Variants in NKAIN3 observed in about 807,000 individuals in gnomAD.
The protein encoded by NKAIN3 is sodium/potassium transporting ATPase interacting 3.
NKAIN3 carries 25 observed loss-of-function variants against 30.2 expected under a neutral mutation model. The observed-to-expected ratio is 0.83, with a 90% CI of 0.60 to 1.16. NKAIN3 has a LOEUF of 1.16. Among genes scored for constraint, NKAIN3 ranks in the 50% most tolerant of loss-of-function variants. The pLI is 0.00. For missense variants in NKAIN3, 225 were observed against 254.1 expected, an observed-to-expected ratio of 0.89 and a Z score of 0.78; for synonymous variants, 91 against 89.6, an observed-to-expected ratio of 1.02 and a Z score of -0.09.
At chr8:62,735,316 G>C (rs1016707709) in intron 3 of NKAIN3, among the ~76,000 whole-genome samples, 1 of 149,720 alleles carries the variant, frequency 6.7e-6, no homozygotes, top group Non-Finnish European at 1.5e-5. Flanking sequence ...TCTTTTCTTT[G>C]TCTTCGCTGG....
intron 4 of NKAIN3, among the ~76,000 whole-genome samples, chr8:62,804,412 G>T (rs1244750487): frequency 3.9e-5 from 6 of 152,110 alleles, no homozygotes; most frequent in Admixed American, 3.9e-4. Context: ...TAAAATACTG[G>T]CAAACCAAAT....
chr8:62,683,902 C>A (rs1469158965), intron 3 of NKAIN3, among the ~76,000 whole-genome samples: 1 of 152,164 alleles, frequency 6.6e-6, no homozygotes, highest in Non-Finnish European at 1.5e-5. Context: ...GTTGACCTGG[C>A]TGGTGCATGG....
At chr8:62,944,056 T>A (rs1239570662) in intron 5 of NKAIN3, among the ~76,000 whole-genome samples, 2 of 151,988 alleles carry the variant, frequency 1.3e-5, no homozygotes, top group Non-Finnish European at 2.9e-5. Flanking sequence ...TTGGGCACAG[T>A]GTATACTGCT....
At chr8:62,288,095 C>T (rs1400424142) in intron 1 of NKAIN3, among the ~76,000 whole-genome samples, 2 of 152,192 alleles carry the variant, frequency 1.3e-5, no homozygotes, top group Non-Finnish European at 2.9e-5. Context: ...AAATAAGCCT[C>T]TCCATTTGCC....
At chr8:62,475,266 G>A (rs577449882) in intron 1 of NKAIN3, among the ~76,000 whole-genome samples, 116 of 152,282 alleles carry the variant, frequency 7.6e-4, no homozygotes, top group Non-Finnish European at 1.6e-3. Context: ...AAACATACCT[G>A]ACACATGTTA....
At chr8:62,403,051 AG>A (rs1293276626) in intron 1 of NKAIN3, among the ~76,000 whole-genome samples, 1 of 152,216 alleles carries the variant, frequency 6.6e-6, no homozygotes, top group Non-Finnish European at 1.5e-5. Context: ...GACCAGGCTG[AG>A]GTGGTCTCAG....
At chr8:62,485,481 T>TAATC (rs1806870115) in intron 1 of NKAIN3, among the ~76,000 whole-genome samples, 1 of 152,216 alleles carries the variant, frequency 6.6e-6, no homozygotes, top group Non-Finnish European at 1.5e-5. Flanking sequence ...CATGTTTGTG[T>TAATC]AATCCCCTGT....
At chr8:62,453,245 T>C (rs1272933607) in intron 1 of NKAIN3, among the ~76,000 whole-genome samples, 1 of 152,156 alleles carries the variant, frequency 6.6e-6, no homozygotes, top group African/African-American at 2.4e-5. Flanking sequence ...GAATATAAAA[T>C]TTTTTAAAGA....
chr8:62,250,414 CAT>C (rs1812063273), intron 1 of NKAIN3, among the ~76,000 whole-genome samples: 2 of 152,120 alleles, frequency 1.3e-5, no homozygotes, highest in African/African-American at 4.8e-5. Flanking sequence ...TTGAATCAAA[CAT>C]ATTTTATAGT....
rs575056953 is a variant in NKAIN3, at chr8:62,402,457, T to C, written c.54+153330T>C. Among the ~76,000 whole-genome samples the C allele has an allele frequency of 7.9e-5, 12 of 152,320 alleles. No homozygotes were observed. The East Asian group carries it at 2.3e-3, about 29-fold the overall frequency. The stretch of plus-strand genomic sequence containing the variant: ...CCAAATCTCATTTTGAATTGTACTT[T>C]CCATAATCCCCACATGTTGTGGGAG... On this transcript the variant is annotated intron_variant, in intron 1 of 6. Coordinates refer to ENST00000623646, the MANE Select transcript of NKAIN3 (RefSeq NM_001304533.3).
rs937182753 is a variant in NKAIN3, at chr8:62,980,947, C to T, written c.*15540C>T. 3 of 152,164 alleles carry T rather than the reference C, an allele frequency of 2.0e-5. No homozygotes were observed. The highest frequency in any genetic ancestry group is 7.2e-5 in the African/African-American group (3 of 41,438). The allele number at this position is 152,164 out of a possible 1,614,324, so 9.4% of individuals were successfully genotyped here. A position where few individuals can be genotyped will look rare whatever the true frequency, so the allele number is the denominator to read the frequency against. ...GAACTCAAATTATCTAAGGTTTACC[C>T]AGAAGTCAAAATCACCTGGCCCTCT... On this transcript the variant is annotated 3_prime_UTR_variant, in exon 7 of 7. Coordinates refer to ENST00000623646, the MANE Select transcript of NKAIN3 (RefSeq NM_001304533.3).
chr8:62,630,502 C>T lies in NKAIN3; in HGVS notation c.273+40708C>T, dbSNP rs573318936. Among the ~76,000 whole-genome samples, 7 of 152,192 alleles carry T rather than the reference C, an allele frequency of 4.6e-5. No individual in the cohort carries two copies. In the South Asian group the frequency reaches 1.5e-3, roughly 32 times the overall value. ...TGGTTCTTAAAGGCTGACAGGAGAT[C>T]TGATCCTTAAAAAAAGTGTTTCTAA... On this transcript the variant is annotated intron_variant, in intron 3 of 6. Transcript: ENST00000623646.
chr8:62,869,761 C>CTGTTTT (rs1253671888), intron 4 of NKAIN3, among the ~76,000 whole-genome samples: 3 of 151,326 alleles, frequency 2.0e-5, no homozygotes, highest in African/African-American at 2.4e-5. Flanking sequence ...TTGTTTGTTT[C>CTGTTTT]TGTTTTTGTT....
chr8:62,286,572 C>T (rs1222027739), intron 1 of NKAIN3, among the ~76,000 whole-genome samples: 3 of 151,966 alleles, frequency 2.0e-5, no homozygotes, highest in Non-Finnish European at 4.4e-5. Flanking sequence ...TCTATTAAAC[C>T]ATCACTTTCA....
intron 1 of NKAIN3, among the ~76,000 whole-genome samples, chr8:62,510,733 G>A (rs1220018253): frequency 6.6e-6 from 1 of 152,010 alleles, no homozygotes; most frequent in Non-Finnish European, 1.5e-5. Flanking sequence ...AGTTTTAGGG[G>A]CACAGTGAGA....
intron 1 of NKAIN3, among the ~76,000 whole-genome samples, chr8:62,353,860 T>A (rs1816261506): frequency 1.3e-5 from 2 of 152,282 alleles, no homozygotes. Context: ...AATAGATAAA[T>A]TGATTTAAGA....
At chr8:62,667,363 A>ATATATATATAAATATATATATATG (rs1554561921) in intron 3 of NKAIN3, among the ~76,000 whole-genome samples, 6 of 53,402 alleles carry the variant, frequency 1.1e-4, no homozygotes, top group African/African-American at 4.3e-4. Context: ...ATATATCTGT[A>ATATATATATAAATATATATATATG]TATATATATA....
chr8:62,661,452 T>A (rs1467876080), intron 3 of NKAIN3, among the ~76,000 whole-genome samples: 1 of 152,222 alleles, frequency 6.6e-6, no homozygotes, highest in Non-Finnish European at 1.5e-5. Context: ...GCTGTTTGAA[T>A]CTTTCTCATG....
intron 4 of NKAIN3, among the ~76,000 whole-genome samples, chr8:62,827,935 G>A (rs1466636232): frequency 1.3e-5 from 2 of 152,038 alleles, no homozygotes; most frequent in Non-Finnish European, 2.9e-5. Flanking sequence ...TTAAAACATG[G>A]AATAAAATAT....
Sources: gnomAD v4.1 joint callset for allele counts (sites outside exome capture counted in the v4.1 genomes callset) on GRCh38, gnomAD v4.1.1 for gene constraint, MANE v1.5 for transcripts, NCBI Gene and HGNC (gene_info 2026-07-23, HGNC 2026-07-21) for gene names.